The following RPS6KC1 variants were observed in gnomAD, a reference collection of about 807,000 sequenced individuals.
RPS6KC1 encodes the protein ribosomal protein S6 kinase C1.
RPS6KC1 carries 54 observed loss-of-function variants against 103.8 expected under a neutral mutation model. That is an observed-to-expected ratio of 0.52 (90% confidence interval 0.42 to 0.65). The LOEUF is 0.65. Ranked by LOEUF, RPS6KC1 falls within the 30% of genes least tolerant of loss-of-function variation. The pLI is 0.00. For synonymous variants in RPS6KC1, 439 were observed against 438.7 expected, an observed-to-expected ratio of 1.00 and a Z score of -0.01; for missense variants, 1,151 against 1,253.8, an observed-to-expected ratio of 0.92 and a Z score of 1.24.
the RPS6KC1 span, among the ~76,000 whole-genome samples, chr1:213,814,113 A>G: frequency 6.6e-6 from 1 of 152,258 alleles, no homozygotes; most frequent in Non-Finnish European, 1.5e-5. Context: ...AAGGAAAACC[A>G]GACAGCAGAG....
At chr1:213,542,703 G>A in the RPS6KC1 span, among the ~76,000 whole-genome samples, 1 of 152,216 alleles carries the variant, frequency 6.6e-6, no homozygotes, top group South Asian at 2.1e-4. Flanking sequence ...AACAGGGCAA[G>A]CATTCAGGAC....
chr1:213,478,053 A>G, the RPS6KC1 span, among the ~76,000 whole-genome samples: 1 of 152,086 alleles, frequency 6.6e-6, no homozygotes, highest in Non-Finnish European at 1.5e-5. Flanking sequence ...TCTAACCCCG[A>G]TCTTTTTACC....
At chr1:213,823,360 T>C in the RPS6KC1 span, among the ~76,000 whole-genome samples, 1 of 152,230 alleles carries the variant, frequency 6.6e-6, no homozygotes, top group Admixed American at 6.5e-5. Flanking sequence ...TGCCCTTTCC[T>C]AGTGCCTGGC....
the RPS6KC1 span, among the ~76,000 whole-genome samples, chr1:213,678,005 CAAA>C: frequency 2.8e-5 from 4 of 141,162 alleles, no homozygotes; most frequent in Admixed American, 1.4e-4. Context: ...GACTCTGTCT[CAAA>C]AAAAAAAAAA....
the RPS6KC1 span, among the ~76,000 whole-genome samples, chr1:213,740,643 CATATATCTCTCAGATATATATACACAT>C: frequency 1.4e-5 from 2 of 145,224 alleles, no homozygotes; most frequent in African/African-American, 5.2e-5. Flanking sequence ...TATACACATA[CATATATCTCTCAGATATATATACACAT>C]ATATATCTCT....
At chr1:213,641,959 T>C in the RPS6KC1 span, among the ~76,000 whole-genome samples, 4 of 152,192 alleles carry the variant, frequency 2.6e-5, no homozygotes, top group East Asian at 5.8e-4. Flanking sequence ...ATTGCTTCTA[T>C]GACTGGGGGC....
chr1:213,615,533 G>A, the RPS6KC1 span, among the ~76,000 whole-genome samples: 1 of 152,246 alleles, frequency 6.6e-6, no homozygotes, highest in Non-Finnish European at 1.5e-5. Context: ...TGTGGCTGAG[G>A]CTTTCTTTCA....
chr1:213,716,608 A>G, the RPS6KC1 span, among the ~76,000 whole-genome samples: 1 of 152,214 alleles, frequency 6.6e-6, no homozygotes, highest in East Asian at 1.9e-4. Context: ...AACAATATTT[A>G]TATAATTCCC....
At chr1:213,502,348 A>G in the RPS6KC1 span, among the ~76,000 whole-genome samples, 1 of 152,218 alleles carries the variant, frequency 6.6e-6, no homozygotes, top group African/African-American at 2.4e-5. Flanking sequence ...TATAAGACAA[A>G]GATAATATCC....
chr1:213,448,086 A>G, the RPS6KC1 span, among the ~76,000 whole-genome samples: 228 of 152,030 alleles, frequency 1.5e-3, no homozygotes, highest in Middle Eastern at 0.01. Context: ...AAAAATAAAA[A>G]AATTGGCTAG....
At chr1:213,682,195 G>A in the RPS6KC1 span, among the ~76,000 whole-genome samples, 1 of 152,298 alleles carries the variant, frequency 6.6e-6, no homozygotes, top group African/African-American at 2.4e-5. Flanking sequence ...CCCTCTGCTT[G>A]CAGTGGATGG....
At chr1:213,104,743 CTTT>C (rs1340531256) in intron 4 of RPS6KC1, among the ~76,000 whole-genome samples, 174 bp downstream of exon 4, 2 of 134,324 alleles carry the variant, frequency 1.5e-5, no homozygotes, top group African/African-American at 2.7e-5. Context: ...GAAATTTATG[CTTT>C]TTTTTTTTTT....
At chr1:213,643,278 A>T in the RPS6KC1 span, among the ~76,000 whole-genome samples, 1 of 151,850 alleles carries the variant, frequency 6.6e-6, no homozygotes. Context: ...ATCCATGAAC[A>T]CCTTTATTTA....
chr1:213,507,532 T>C, the RPS6KC1 span, among the ~76,000 whole-genome samples: 6 of 149,796 alleles, frequency 4.0e-5, no homozygotes, highest in African/African-American at 1.5e-4. Context: ...TCTGAGATGA[T>C]TCAGGTCAAC....
chr1:213,745,828 C>T, the RPS6KC1 span, among the ~76,000 whole-genome samples: 27 of 152,158 alleles, frequency 1.8e-4, no homozygotes, highest in Non-Finnish European at 4.0e-4. Context: ...TTGAAGGATG[C>T]TCAGGTTAAA....
the RPS6KC1 span, among the ~76,000 whole-genome samples, chr1:213,302,634 C>T: frequency 6.9e-3 from 1,045 of 152,256 alleles, 14 homozygotes; most frequent in African/African-American, 0.02. Flanking sequence ...GTTGACGTGT[C>T]GTGGAAGATT....
At chr1:213,793,219 A>G in the RPS6KC1 span, among the ~76,000 whole-genome samples, 37 of 152,228 alleles carry the variant, frequency 2.4e-4, no homozygotes, top group South Asian at 7.7e-3. Flanking sequence ...GTAAGTATAG[A>G]CCTGGGCTTG....
intron 5 of RPS6KC1, among the ~76,000 whole-genome samples, chr1:213,118,262 A>G (rs914547347): frequency 1.3e-5 from 2 of 151,890 alleles, no homozygotes; most frequent in East Asian, 1.9e-4. Context: ...GAATTTATAC[A>G]TTTCAGCCTT....
chr1:213,352,763 T>G, the RPS6KC1 span, among the ~76,000 whole-genome samples: 2 of 152,172 alleles, frequency 1.3e-5, no homozygotes, highest in African/African-American at 4.8e-5. Flanking sequence ...AACTCTTGGC[T>G]GGATGCAGTG....
Sources: gnomAD v4.1 joint callset for allele counts (sites outside exome capture counted in the v4.1 genomes callset) on GRCh38, gnomAD v4.1.1 for gene constraint, MANE v1.5 for transcripts, NCBI Gene and HGNC (gene_info 2026-07-23, HGNC 2026-07-21) for gene names.